Variants in DHX57 observed in about 807,000 individuals in gnomAD.
The protein encoded by DHX57 is putative ATP-dependent RNA helicase DHX57.
In DHX57, 105 loss-of-function variants were observed where a neutral mutation model predicts 156.2. The observed-to-expected ratio is 0.67, with a 90% CI of 0.57 to 0.79. DHX57 has a LOEUF of 0.79. Ranked by LOEUF, DHX57 falls within the 30% of genes least tolerant of loss-of-function variation. The probability of loss-of-function intolerance (pLI) is 0.00; values close to 1 mark genes in which losing one functional copy is unlikely to be tolerated. For synonymous variants in DHX57, 704 were observed against 595.6 expected (o/e 1.18, Z -2.65); for missense variants, 1,847 against 1,661.9 (o/e 1.11, Z -1.94).
At chr2:38,869,822 T>C (rs904627116) in intron 1 of DHX57, among the ~76,000 whole-genome samples, 3 of 152,188 alleles carry the variant, frequency 2.0e-5, no homozygotes, top group African/African-American at 7.2e-5. Flanking sequence ...GTATAACCCA[T>C]ACACTGGAGA....
At position 38,861,837 on chromosome 2, in the gene DHX57, C is replaced by G; in HGVS notation, c.573G>C (p.Arg191Ser). The G allele has an allele frequency of 6.3e-7, 1 of 1,585,510 alleles. No homozygotes were observed. Among genetic ancestry groups the G allele is most frequent in the Non-Finnish European group, 8.6e-7 (1 of 1,165,992 alleles). ...VSPFAVQKLS[R>S]YGFNTERCQA... is the part of the protein sequence containing the mutation. The stretch of plus-strand genomic sequence containing the variant: ...GACAGCGTTCAGTATTGAAACCATA[C>G]CTGTCAAGGGCAAAACATGACAAAA... Residue 191 changes from arginine (R) to serine (S), a missense_variant and splice_region_variant, in exon 5 of 24, where the codon AGG becomes AGC. By Grantham distance (110) the Arg-to-Ser change is moderately radical. Coordinates refer to ENST00000457308, the MANE Select transcript of DHX57 (RefSeq NM_198963.3).
chr2:38,831,392 G>T (rs1045597908), intron 13 of DHX57, among the ~76,000 whole-genome samples: 4 of 151,340 alleles, frequency 2.6e-5, no homozygotes, highest in Admixed American at 1.3e-4. Flanking sequence ...TGCAATGGAG[G>T]GATTTTGGCT....
chr2:38,805,883 G>A (rs113854219), intron 22 of DHX57, among the ~76,000 whole-genome samples: 17 of 152,156 alleles, frequency 1.1e-4, no homozygotes, highest in Admixed American at 2.0e-4. Flanking sequence ...GGATGTGTAA[G>A]TGCTGTTGTG....
intron 19 of DHX57, among the ~76,000 whole-genome samples, 158 bp downstream of exon 19, chr2:38,818,719 C>T (rs140608456): frequency 2.6e-5 from 4 of 152,130 alleles, no homozygotes; most frequent in African/African-American, 9.7e-5. Context: ...AGCCTGATGC[C>T]ACAGTGCGGG....
At chr2:38,841,188 C>G (rs1041626310) in intron 12 of DHX57, among the ~76,000 whole-genome samples, 2 of 152,106 alleles carry the variant, frequency 1.3e-5, no homozygotes, top group Non-Finnish European at 2.9e-5. Flanking sequence ...GTTGGTATGA[C>G]GTACAAAAAG....
At chr2:38,858,524 C>T (rs965223778) in intron 6 of DHX57, 137 bp downstream of exon 6, 2 of 1,174,410 alleles carry the variant, frequency 1.7e-6, no homozygotes, top group Non-Finnish European at 2.4e-6. Context: ...TTTGCTGTGG[C>T]CTGTAGAAAC....
rs113773574 is a variant in DHX57 at position 38,833,501 on chromosome 2, C to A, written c.2542+4330G>T. Among the ~76,000 whole-genome samples, 893 of 152,028 alleles carry A rather than the reference C, an allele frequency of 5.9e-3. 8 individuals carry two copies. The highest frequency in any genetic ancestry group is 0.021 in the African/African-American group (859 of 41,462). On this transcript the variant is annotated intron_variant, in intron 13 of 23. Coordinates refer to ENST00000457308, the MANE Select transcript of DHX57 (RefSeq NM_198963.3). ...GGGGCAAGACAACAGATAGGGTGGT[C>A]TGTAGAGGTAAATTGAGGAGAAACC... is the stretch of plus-strand genomic sequence containing the variant.
chr2:38,811,444 C>G, intron 21 of DHX57: 1 of 615,538 alleles, frequency 1.6e-6, no homozygotes, highest in Admixed American at 2.0e-5. Context: ...CAGATGAACT[C>G]CTCCACGAAC....
In DHX57 at chr2:38,821,268, T is replaced by C. The variant is rs184585948; in HGVS notation, c.3291+1725A>G. On this transcript the variant is annotated intron_variant, in intron 17 of 23. Transcript: ENST00000457308. ...CATGCTTATATAAAAAAGAAAGATC[T>C]CAAAACAAGAAACTAAACTTCTACT... 2.2e-3 allele frequency among the ~76,000 whole-genome samples: 330 copies of C among 150,852 alleles called. 1 individual carries two copies. The highest frequency in any genetic ancestry group is 7.5e-3 in the African/African-American group (308 of 41,014).
intron 8 of DHX57, chr2:38,854,503 G>A (rs569408404): frequency 6.1e-6 from 1 of 165,048 alleles, no homozygotes; most frequent in African/African-American, 2.4e-5. Context: ...GATGACTTCT[G>A]CCAATAAAAA....
intron 2 of DHX57, among the ~76,000 whole-genome samples, chr2:38,864,994 C>T (rs749375080): frequency 1.1e-4 from 17 of 152,130 alleles, no homozygotes; most frequent in East Asian, 9.6e-4. Flanking sequence ...GCATACAATT[C>T]GATCTTATTG....
Position 38,847,098 on chromosome 2 carries a change from GA to G in DHX57, c.2165-26del, listed in dbSNP as rs1231199151. The G allele has an allele frequency of 1.9e-6, 3 of 1,588,702 alleles. No individual in the cohort carries two copies. The African/African-American group carries it at 4.0e-5, about 21-fold the overall frequency. ...CCTAGAAAAACAAGGAGACAAAATA[GA>G]AAGCCTGAGAACACCCATTCAACCA... is the stretch of plus-strand genomic sequence containing the variant. On this transcript the variant is annotated intron_variant, in intron 10 of 23. Transcript: ENST00000457308.
chr2:38,824,630 G>A (rs1303224778), intron 16 of DHX57, among the ~76,000 whole-genome samples: 1 of 152,056 alleles, frequency 6.6e-6, no homozygotes, highest in Non-Finnish European at 1.5e-5. Flanking sequence ...ATCTGAAGTT[G>A]CAGTCATTAT....
chr2:38,858,824 G>A lies in DHX57; in HGVS notation c.1424C>T (p.Ser475Leu), dbSNP rs750102277. 2.4e-5 allele frequency: 39 copies of A among 1,608,290 alleles called. No individual in the cohort carries two copies. Among genetic ancestry groups the A allele is most frequent in the Middle Eastern group, 1.6e-4 (1 of 6,066 alleles). Reference sequence around the variant, plus strand: ...ATCCTCATCTGACTCCTCAGATTCTGATGCTTTTTCAACTTGAAGGAAATA... The same window carrying A: ...ATCCTCATCTGACTCCTCAGATTCTAATGCTTTTTCAACTTGAAGGAAATA... ...SNQIPEVEKASESEESDEDDG... is the reference protein window; with the variant it reads ...SNQIPEVEKALESEESDEDDG... The change falls in exon 6 of 24, where the codon TCA becomes TTA. Residue 475 changes from serine (S) to leucine (L), a missense_variant. Physicochemically the swap from Ser to Leu is moderately radical, Grantham distance 145. Transcript: ENST00000457308.
At chr2:38,799,913 C>T (rs1420750433) in intron 23 of DHX57, among the ~76,000 whole-genome samples, 4 of 151,830 alleles carry the variant, frequency 2.6e-5, no homozygotes, top group African/African-American at 4.8e-5. Flanking sequence ...ATTAGCCTGG[C>T]GCGGTGGCTC....
intron 1 of DHX57, among the ~76,000 whole-genome samples, chr2:38,869,606 C>T (rs777953673): frequency 6.6e-6 from 1 of 152,192 alleles, no homozygotes; most frequent in African/African-American, 2.4e-5. Flanking sequence ...CTGTACCTCC[C>T]AGAGGAGCAA....
chr2:38,874,085 C>G (rs1252008535), intron 1 of DHX57, among the ~76,000 whole-genome samples: 2 of 146,246 alleles, frequency 1.4e-5, no homozygotes, highest in Non-Finnish European at 3.1e-5. Context: ...ACTGTCTTTT[C>G]TTTTTTCTTT....
chr2:38,824,497 A>C (rs1248144617), intron 16 of DHX57, among the ~76,000 whole-genome samples: 3 of 152,180 alleles, frequency 2.0e-5, no homozygotes, highest in African/African-American at 7.2e-5. Context: ...AAGAGGGTAG[A>C]TCTCATATTA....
intron 3 of DHX57, 165 bp from the exon 4 acceptor site, chr2:38,862,498 AC>A: frequency 1.6e-6 from 1 of 627,950 alleles, no homozygotes; most frequent in Non-Finnish European, 2.4e-6. Flanking sequence ...ATTAACATTT[AC>A]CAGGCATTTA....
Sources: allele counts gnomAD v4.1 joint callset (sites outside exome capture counted in the v4.1 genomes callset), GRCh38; gene constraint gnomAD v4.1.1; transcripts MANE v1.5; gene names NCBI Gene and HGNC (gene_info 2026-07-23, HGNC 2026-07-21).